The following CABCOCO1 variants were observed in gnomAD, a reference collection of about 807,000 sequenced individuals.
CABCOCO1 encodes the protein ciliary associated calcium binding coiled-coil 1.
A neutral mutation model predicts 35.7 loss-of-function variants in CABCOCO1; 28 were observed. That is an observed-to-expected ratio of 0.78 (90% CI 0.58 to 1.07). CABCOCO1 has a LOEUF of 1.07. Ranked by LOEUF, CABCOCO1 falls within the 50% of genes least tolerant of loss-of-function variation. CABCOCO1 has a pLI of 0.00. For missense variants in CABCOCO1, 326 were observed against 309.2 expected, an observed-to-expected ratio of 1.05 and a Z score of -0.41; for synonymous variants, 95 against 100.1, an observed-to-expected ratio of 0.95 and a Z score of 0.30.
intron 5 of CABCOCO1, among the ~76,000 whole-genome samples, chr10:61,734,365 T>C (rs988277740): frequency 3.9e-5 from 6 of 152,012 alleles, no homozygotes; most frequent in Admixed American, 6.6e-5. Flanking sequence ...AGCCCAATGC[T>C]CCACCACCCA....
At chr10:61,682,304 T>C (rs1468452376) in intron 3 of CABCOCO1, among the ~76,000 whole-genome samples, 1 of 152,106 alleles carries the variant, frequency 6.6e-6, no homozygotes, top group African/African-American at 2.4e-5. Flanking sequence ...ATGTAGAACC[T>C]AACCAGAAAA....
chr10:61,699,354 T>G (rs1056026940), intron 5 of CABCOCO1, among the ~76,000 whole-genome samples: 2 of 152,124 alleles, frequency 1.3e-5, no homozygotes, highest in Admixed American at 1.3e-4. Context: ...GCAAAATAAC[T>G]GATAAATGGC....
chr10:61,680,662 CA>C (rs1839733488), intron 2 of CABCOCO1, among the ~76,000 whole-genome samples: 1 of 64,188 alleles, frequency 1.6e-5, no homozygotes, highest in Admixed American at 2.4e-4. Context: ...TTATGTTATA[CA>C]TGTATAACAT....
At chr10:61,710,917 G>T (rs1201481000) in intron 5 of CABCOCO1, among the ~76,000 whole-genome samples, 2 of 151,620 alleles carry the variant, frequency 1.3e-5, no homozygotes, top group African/African-American at 4.8e-5. Flanking sequence ...AAGCCATGGT[G>T]GTCAAATGAC....
intron 6 of CABCOCO1, among the ~76,000 whole-genome samples, chr10:61,760,605 G>A (rs902132172): frequency 6.6e-6 from 1 of 151,958 alleles, no homozygotes; most frequent in Non-Finnish European, 1.5e-5. Flanking sequence ...CCATTTGGAG[G>A]GTGGGCAAGG....
chr10:61,729,193 A>T (rs899416234), intron 5 of CABCOCO1, among the ~76,000 whole-genome samples: 21 of 152,166 alleles, frequency 1.4e-4, no homozygotes, highest in African/African-American at 4.6e-4. Context: ...CAATGAGCAA[A>T]CTTAAGGATT....
At chr10:61,728,934 T>C (rs1293472339) in intron 5 of CABCOCO1, among the ~76,000 whole-genome samples, 1 of 152,134 alleles carries the variant, frequency 6.6e-6, no homozygotes, top group Non-Finnish European at 1.5e-5. Flanking sequence ...AAGATTTTCA[T>C]AGCACAGCTT....
At chr10:61,713,352 C>T (rs758883838) in intron 5 of CABCOCO1, among the ~76,000 whole-genome samples, 5 of 152,126 alleles carry the variant, frequency 3.3e-5, no homozygotes, top group Admixed American at 6.5e-5. Context: ...GATTTTTGCA[C>T]ATTGATTTTG....
At chr10:61,710,335 T>C (rs1025551681) in intron 5 of CABCOCO1, among the ~76,000 whole-genome samples, 3 of 151,830 alleles carry the variant, frequency 2.0e-5, no homozygotes, top group Non-Finnish European at 4.4e-5. Context: ...GACATCATTA[T>C]AATAGCTTCT....
At chr10:61,719,060 G>A (rs1042821333) in intron 5 of CABCOCO1, among the ~76,000 whole-genome samples, 6 of 152,090 alleles carry the variant, frequency 3.9e-5, no homozygotes, top group Non-Finnish European at 8.8e-5. Flanking sequence ...CACTTTTTGG[G>A]TATATTTACT....
intron 5 of CABCOCO1, among the ~76,000 whole-genome samples, chr10:61,750,916 C>T (rs1322780778): frequency 1.3e-5 from 2 of 152,322 alleles, no homozygotes; most frequent in African/African-American, 2.4e-5. Flanking sequence ...ACGTGCCCCA[C>T]GTCCTCGAGT....
At chr10:61,690,483 C>A in intron 4 of CABCOCO1, 66 bp from the exon 5 acceptor site, 1 of 1,075,614 alleles carries the variant, frequency 9.3e-7, no homozygotes, top group South Asian at 1.4e-5. Context: ...TAATAAATGT[C>A]TTTACATATT....
intron 5 of CABCOCO1, among the ~76,000 whole-genome samples, chr10:61,728,655 A>T (rs1193455391): frequency 6.6e-6 from 1 of 152,184 alleles, no homozygotes; most frequent in African/African-American, 2.4e-5. Flanking sequence ...ATCCCAAAGG[A>T]TTACTTCAGA....
intron 5 of CABCOCO1, among the ~76,000 whole-genome samples, chr10:61,725,912 AG>A (rs1841137512): frequency 2.0e-5 from 3 of 152,266 alleles, no homozygotes. Context: ...AGAAAAAAAA[AG>A]AAAGAAAAAG....
intron 5 of CABCOCO1, among the ~76,000 whole-genome samples, chr10:61,716,668 T>C (rs906538858): frequency 6.6e-6 from 1 of 152,222 alleles, no homozygotes; most frequent in Non-Finnish European, 1.5e-5. Flanking sequence ...GAATTATTTA[T>C]GTAAGTCTTA....
chr10:61,704,237 A>T (rs1328091869), intron 5 of CABCOCO1, among the ~76,000 whole-genome samples: 1 of 152,142 alleles, frequency 6.6e-6, no homozygotes, highest in Non-Finnish European at 1.5e-5. Context: ...ATATATATAT[A>T]TATGCCCAAA....
intron 3 of CABCOCO1, among the ~76,000 whole-genome samples, chr10:61,683,784 A>T (rs537016326): frequency 2.1e-4 from 32 of 152,312 alleles, no homozygotes; most frequent in African/African-American, 7.5e-4. Context: ...TAAAAAAGCA[A>T]ATATTTCAGT....
chr10:61,720,039 C>T (rs765509733), intron 5 of CABCOCO1, among the ~76,000 whole-genome samples: 3 of 151,850 alleles, frequency 2.0e-5, no homozygotes, highest in Non-Finnish European at 2.9e-5. Flanking sequence ...CATAGGACTG[C>T]CGTCTCTGAA....
chr10:61,721,354 T>G (rs939422586), intron 5 of CABCOCO1, among the ~76,000 whole-genome samples: 1 of 152,324 alleles, frequency 6.6e-6, no homozygotes, highest in Admixed American at 6.5e-5. Flanking sequence ...GAAGCCCGTT[T>G]GTGCTTCTCC....
Sources: gnomAD v4.1 joint callset for allele counts (sites outside exome capture counted in the v4.1 genomes callset) on GRCh38, gnomAD v4.1.1 for gene constraint, MANE v1.5 for transcripts, NCBI Gene and HGNC (gene_info 2026-07-23, HGNC 2026-07-21) for gene names.